Variants in PCBP3 observed in about 807,000 individuals in gnomAD.
PCBP3 encodes the protein poly(rC)-binding protein 3.
A neutral mutation model predicts 52.7 loss-of-function variants in PCBP3; 25 were observed. The observed-to-expected ratio is 0.47, with a 90% CI of 0.35 to 0.66. The LOEUF is 0.66. PCBP3 is among the 30% of genes least tolerant of loss of function. The pLI, the probability that PCBP3 is intolerant of heterozygous loss-of-function variation, is 0.01. For missense variants in PCBP3, 391 were observed against 490.3 expected (o/e 0.80, Z 1.91); for synonymous variants, 162 against 183.0 (o/e 0.89, Z 0.93).
rs1209554065 is a variant in PCBP3 at position 45,817,524 on chromosome 21, G to A, written c.-125-32437G>A. ...CATCTCCCATATTCCAGCTGCTGCC[G>A]CAGCCCCCATGCTTGCCTTTTGTCC... On this transcript the variant is annotated intron_variant, in intron 4 of 17. Transcript: ENST00000681687. The surrounding 1 kb of genome is among the most constrained non-coding windows in gnomAD (Gnocchi z 4.3). Among the ~76,000 whole-genome samples the A allele has an allele frequency of 6.6e-6, 1 of 152,158 alleles. No individual in the cohort carries two copies. The highest frequency in any genetic ancestry group is 2.4e-5 in the African/African-American group (1 of 41,436).
intron 5 of PCBP3, among the ~76,000 whole-genome samples, chr21:45,855,963 T>G (rs2148334039): frequency 6.6e-6 from 1 of 152,368 alleles, no homozygotes; most frequent in South Asian, 2.1e-4. Flanking sequence ...TAACCCAATA[T>G]AACGTGGCTT....
chr21:45,683,935 A>G (rs2082004494), intron 2 of PCBP3, among the ~76,000 whole-genome samples: 1 of 151,684 alleles, frequency 6.6e-6, no homozygotes, highest in Admixed American at 6.6e-5. Flanking sequence ...AAAAAAAAAT[A>G]AAAATAAAAA....
intron 1 of PCBP3, among the ~76,000 whole-genome samples, chr21:45,657,022 C>T (rs368231760): frequency 6.6e-6 from 1 of 152,194 alleles, no homozygotes; most frequent in East Asian, 1.9e-4. Context: ...AGGGTTTCAC[C>T]GTGTTAGCCA....
intron 4 of PCBP3, among the ~76,000 whole-genome samples, chr21:45,790,033 G>T (rs1054994110): frequency 3.3e-5 from 5 of 152,166 alleles, no homozygotes; most frequent in African/African-American, 1.2e-4. Flanking sequence ...CCAGCTACGC[G>T]GGAGGCTGAG....
At chr21:45,875,003 G>A (rs533841943) in intron 5 of PCBP3, among the ~76,000 whole-genome samples, 2 of 152,356 alleles carry the variant, frequency 1.3e-5, no homozygotes, top group Admixed American at 6.5e-5. Context: ...CCCTGTCCAA[G>A]TAGGGAGCTC....
At chr21:45,669,803 G>GTC (rs1394969213) in intron 2 of PCBP3, among the ~76,000 whole-genome samples, 1 of 54,406 alleles carries the variant, frequency 1.8e-5, no homozygotes, top group African/African-American at 9.1e-5. Flanking sequence ...GTGTGTGTGT[G>GTC]TGTATATATA....
chr21:45,896,073 G>A, intron 5 of PCBP3, 135 bp from the exon 6 acceptor site: 1 of 768,776 alleles, frequency 1.3e-6, no homozygotes, highest in Admixed American at 2.3e-5. Flanking sequence ...GGCGAGGCCT[G>A]GTCAGCACAT....
At chr21:45,686,049 GC>G (rs755826288) in intron 2 of PCBP3, among the ~76,000 whole-genome samples, 24 of 151,762 alleles carry the variant, frequency 1.6e-4, no homozygotes, top group Non-Finnish European at 2.4e-4. Flanking sequence ...CTCCTGAGTA[GC>G]TGGGATTACA....
At chr21:45,937,299 T>C (rs1395076842) in intron 16 of PCBP3, among the ~76,000 whole-genome samples, 1 of 152,210 alleles carries the variant, frequency 6.6e-6, no homozygotes, top group Admixed American at 6.5e-5. Context: ...CCCAGCCCTT[T>C]GGTTCCCTTT....
chr21:45,678,971 C>T (rs1477657150), intron 2 of PCBP3, among the ~76,000 whole-genome samples: 1 of 152,072 alleles, frequency 6.6e-6, no homozygotes, highest in Non-Finnish European at 1.5e-5. Flanking sequence ...ACAGCCACCC[C>T]AGCCTTTAGC....
At chr21:45,784,420 C>CCCTACCTCCTACCTCCTACCT (rs537648185) in intron 4 of PCBP3, among the ~76,000 whole-genome samples, 12 of 125,176 alleles carry the variant, frequency 9.6e-5, no homozygotes, top group East Asian at 2.1e-4. Flanking sequence ...CTACCGCTAC[C>CCCTACCTCCTACCTCCTACCT]CCTACCTCCT....
chr21:45,909,642 C>T (rs949647601), intron 10 of PCBP3, among the ~76,000 whole-genome samples, 156 bp downstream of exon 10: 66 of 152,150 alleles, frequency 4.3e-4, no homozygotes, highest in African/African-American at 1.6e-3. Context: ...GAGACAGGAA[C>T]ACAGGACCCA....
intron 4 of PCBP3, among the ~76,000 whole-genome samples, chr21:45,826,288 G>A (rs1242478351): frequency 6.6e-6 from 1 of 151,826 alleles, no homozygotes; most frequent in African/African-American, 2.4e-5. Context: ...ATTAAATAAA[G>A]CAGTGAGAAT....
intron 9 of PCBP3, among the ~76,000 whole-genome samples, chr21:45,903,710 A>G (rs747395005): frequency 1.3e-5 from 2 of 152,242 alleles, no homozygotes; most frequent in Non-Finnish European, 2.9e-5. Context: ...ATGATTATAT[A>G]TAAGCAGATG....
At chr21:45,855,518 A>G (rs933302438) in intron 5 of PCBP3, among the ~76,000 whole-genome samples, 1 of 152,188 alleles carries the variant, frequency 6.6e-6, no homozygotes, top group Non-Finnish European at 1.5e-5. Flanking sequence ...GAAACAACCA[A>G]CGTGGGAACC....
chr21:45,888,579 C>T (rs1197360584), intron 5 of PCBP3, among the ~76,000 whole-genome samples: 1 of 152,244 alleles, frequency 6.6e-6, no homozygotes, highest in Non-Finnish European at 1.5e-5. Context: ...CAGGGCCCTG[C>T]TCCACAGCGA....
chr21:45,932,323 A>T (rs963049726), intron 15 of PCBP3, among the ~76,000 whole-genome samples: 5 of 151,616 alleles, frequency 3.3e-5, no homozygotes, highest in African/African-American at 7.3e-5. Context: ...CCTGAGATGA[A>T]TGAACACATC....
In PCBP3 at chr21:45,928,229, C is replaced by A. The variant is rs1049951276; in HGVS notation, c.718-1688C>A. On this transcript the variant is annotated intron_variant, in intron 13 of 17. Transcript: ENST00000681687. The surrounding 1 kb of genome is among the most constrained non-coding windows in gnomAD (Gnocchi z 4.1). The stretch of plus-strand genomic sequence containing the variant: ...CTTGGGACAGGATGTCCCCCACAAG[C>A]TCTCCTGGCACCCTCGTCAGGGGCT... Among the ~76,000 whole-genome samples the A allele has an allele frequency of 1.3e-5, 2 of 152,210 alleles. No homozygotes were observed. The highest frequency in any genetic ancestry group is 2.9e-5 in the Non-Finnish European group (2 of 68,014).
chr21:45,841,094 C>T (rs141726018), intron 4 of PCBP3, among the ~76,000 whole-genome samples: 6 of 152,298 alleles, frequency 3.9e-5, no homozygotes, highest in Admixed American at 3.3e-4. Context: ...GGTGTGTCAG[C>T]TCTCTCACCT....
Sources: allele counts gnomAD v4.1 joint callset (sites outside exome capture counted in the v4.1 genomes callset), GRCh38; gene constraint gnomAD v4.1.1; non-coding constraint Gnocchi (gnomAD v3.1); transcripts MANE v1.5; gene names NCBI Gene and HGNC (gene_info 2026-07-23, HGNC 2026-07-21).